Variants in CNTN5 observed in about 807,000 individuals in gnomAD.
CNTN5 encodes contactin 5, also known as contactin-5.
In CNTN5, 77 loss-of-function variants were observed where a neutral mutation model predicts 129.1. The ratio of observed to expected loss-of-function variants is 0.60; its 90% confidence interval spans 0.50 to 0.72. The LOEUF (loss-of-function observed/expected upper bound fraction) is 0.72, where lower values mean the gene tolerates loss of function less well. Ranked by LOEUF, CNTN5 falls within the 30% of genes least tolerant of loss-of-function variation. CNTN5 has a pLI of 0.00. For synonymous variants in CNTN5, 509 were observed against 465.6 expected, an observed-to-expected ratio of 1.09 and a Z score of -1.20; for missense variants, 1,478 against 1,328.8, an observed-to-expected ratio of 1.11 and a Z score of -1.75.
chr11:99,447,370 C>A (rs1001275347), intron 2 of CNTN5, among the ~76,000 whole-genome samples: 13 of 151,928 alleles, frequency 8.6e-5, no homozygotes, highest in Admixed American at 1.3e-4. Flanking sequence ...TCTCACTGAC[C>A]CTTTAAACTT....
chr11:99,401,977 G>A (rs1941834991), intron 2 of CNTN5, among the ~76,000 whole-genome samples: 1 of 152,080 alleles, frequency 6.6e-6, no homozygotes, highest in South Asian at 2.1e-4. Context: ...GGTGGAGTCT[G>A]TAGGTTTTTT....
At position 99,639,510 on chromosome 11, in the gene CNTN5, T is replaced by C. The variant is rs927370916; in HGVS notation, c.55+83241T>C. On this transcript the variant is annotated intron_variant, in intron 3 of 24. Transcript: ENST00000524871. ...GCAAATTTTCCAAACTTGTATGCTCTGCTTCCCTTATAAAACAATGTATTT... is the reference window on the plus strand; with the variant it reads ...GCAAATTTTCCAAACTTGTATGCTCCGCTTCCCTTATAAAACAATGTATTT... 7.2e-5 allele frequency among the ~76,000 whole-genome samples: 11 copies of C among 152,054 alleles called. 1 individual carries two copies. The highest frequency in any genetic ancestry group is 2.7e-4 in the African/African-American group (11 of 41,488).
intron 3 of CNTN5, among the ~76,000 whole-genome samples, chr11:99,679,573 G>A (rs1478564329): frequency 6.6e-6 from 1 of 152,138 alleles, no homozygotes; most frequent in East Asian, 1.9e-4. Flanking sequence ...GCTGAACACT[G>A]CATGTGTTCT....
chr11:99,022,066 A>G (rs1384186981), intron 1 of CNTN5, among the ~76,000 whole-genome samples: 1 of 152,186 alleles, frequency 6.6e-6, no homozygotes, highest in African/African-American at 2.4e-5. Context: ...ATACAATTTC[A>G]TGTGGTAATT....
At chr11:99,766,280 C>T (rs766093962) in intron 3 of CNTN5, among the ~76,000 whole-genome samples, 2 of 151,928 alleles carry the variant, frequency 1.3e-5, no homozygotes, top group Non-Finnish European at 2.9e-5. Flanking sequence ...TTCACTGTCC[C>T]AAGCACAGAG....
chr11:99,855,810 T>C (rs1444243217), intron 6 of CNTN5, among the ~76,000 whole-genome samples: 8 of 152,168 alleles, frequency 5.3e-5, no homozygotes, highest in Non-Finnish European at 1.2e-4. Context: ...TTAAACTAAG[T>C]AAACCATTTT....
At chr11:100,054,451 C>G (rs1396176376) in intron 9 of CNTN5, among the ~76,000 whole-genome samples, 2 of 151,816 alleles carry the variant, frequency 1.3e-5, no homozygotes, top group Non-Finnish European at 3.0e-5. Flanking sequence ...TCTAATAATT[C>G]GATGAATGTA....
chr11:100,026,598 A>ATTGTTATT (rs946456204), intron 9 of CNTN5, among the ~76,000 whole-genome samples: 17 of 152,220 alleles, frequency 1.1e-4, no homozygotes, highest in Middle Eastern at 3.4e-3. Flanking sequence ...GTAGTGTTTC[A>ATTGTTATT]TTGTTATTTT....
chr11:99,892,144 A>G (rs1320031728), intron 6 of CNTN5, among the ~76,000 whole-genome samples: 1 of 152,156 alleles, frequency 6.6e-6, no homozygotes, highest in African/African-American at 2.4e-5. Context: ...GTATCTGTTC[A>G]TATCCTTCGC....
intron 16 of CNTN5, among the ~76,000 whole-genome samples, chr11:100,229,530 G>A (rs1949448021): frequency 6.6e-6 from 1 of 152,190 alleles, no homozygotes; most frequent in South Asian, 2.1e-4. Flanking sequence ...AATCTTTAGT[G>A]ATTCTCACTA....
intron 6 of CNTN5, among the ~76,000 whole-genome samples, chr11:99,874,380 T>G (rs759910813): frequency 2.0e-5 from 3 of 152,164 alleles, no homozygotes; most frequent in Non-Finnish European, 2.9e-5. Flanking sequence ...CTCAACATGT[T>G]GCCAGAATTG....
At chr11:99,630,534 G>A (rs767705579) in intron 3 of CNTN5, among the ~76,000 whole-genome samples, 32 of 151,104 alleles carry the variant, frequency 2.1e-4, no homozygotes, top group Non-Finnish European at 7.4e-5. Flanking sequence ...CTCACCCCCC[G>A]TTTCACACAG....
At chr11:99,465,635 A>AT (rs1268466689) in intron 2 of CNTN5, among the ~76,000 whole-genome samples, 2 of 18,680 alleles carry the variant, frequency 1.1e-4, no homozygotes, top group Non-Finnish European at 1.3e-3. Flanking sequence ...TGAATAAATT[A>AT]ATTTTTTTTA....
chr11:99,052,774 C>T (rs1032770482), intron 1 of CNTN5, among the ~76,000 whole-genome samples: 4 of 151,744 alleles, frequency 2.6e-5, no homozygotes, highest in African/African-American at 9.7e-5. Flanking sequence ...ATGTAATAGA[C>T]ATGATGATAA....
rs529743694 is a variant in CNTN5 at position 100,318,206 on chromosome 11, A to G, written c.2730+9738A>G. On this transcript the variant is annotated intron_variant, in intron 21 of 24. Transcript: ENST00000524871. The stretch of plus-strand genomic sequence containing the variant: ...CAGTGAGCCGAGATCGCGCCACTGC[A>G]CTCCAGCCTGGGCAATAGAGCGAGA... 6.9e-4 allele frequency among the ~76,000 whole-genome samples: 97 copies of G among 140,356 alleles called. 1 individual carries two copies. Among genetic ancestry groups the G allele is most frequent in the Admixed American group, 8.7e-4 (11 of 12,650 alleles). 92.1% of individuals were successfully genotyped at this position (140,356 alleles called of 152,430 possible).
intron 3 of CNTN5, among the ~76,000 whole-genome samples, chr11:99,574,711 T>C (rs778144651): frequency 6.6e-6 from 1 of 152,206 alleles, no homozygotes; most frequent in Non-Finnish European, 1.5e-5. Flanking sequence ...TGCCTTTCTT[T>C]TGAGAAGTGT....
At chr11:99,981,366 G>T (rs56067093) in intron 8 of CNTN5, among the ~76,000 whole-genome samples, 10,469 of 152,022 alleles carry the variant, frequency 0.069, 747 homozygotes, top group East Asian at 0.31. Context: ...GAGCTCTGGT[G>T]TCCAAAGGCA....
chr11:99,312,719 G>C (rs1865165054), intron 1 of CNTN5, among the ~76,000 whole-genome samples: 1 of 151,904 alleles, frequency 6.6e-6, no homozygotes, highest in Non-Finnish European at 1.5e-5. Context: ...CAACATTTTA[G>C]TAAGTATTCA....
At chr11:99,457,349 T>G (rs1196498999) in intron 2 of CNTN5, among the ~76,000 whole-genome samples, 2 of 151,966 alleles carry the variant, frequency 1.3e-5, no homozygotes, top group Non-Finnish European at 2.9e-5. Context: ...AGATATTATA[T>G]TATGCATGAA....
Sources: gnomAD v4.1 joint callset for allele counts (sites outside exome capture counted in the v4.1 genomes callset) on GRCh38, gnomAD v4.1.1 for gene constraint, MANE v1.5 for transcripts, NCBI Gene and HGNC (gene_info 2026-07-23, HGNC 2026-07-21) for gene names.